OSTF1: variants seen among roughly 807,000 people sequenced by gnomAD.
OSTF1 encodes osteoclast stimulating factor 1.
Under a neutral mutation model 37.2 loss-of-function variants are expected in OSTF1, and 27 were observed. The observed-to-expected ratio is 0.73, with a 90% confidence interval of 0.54 to 1.00. The LOEUF is 1.00. Ranked by LOEUF, OSTF1 falls within the 50% of genes least tolerant of loss-of-function variation. The pLI is 0.00. For synonymous variants in OSTF1, 82 were observed against 89.2 expected (o/e 0.92, Z 0.46); for missense variants, 232 against 253.8 (o/e 0.91, Z 0.58).
At chr9:75,119,114 C>T (rs1587457014) in intron 2 of OSTF1, among the ~76,000 whole-genome samples, 1 of 152,230 alleles carries the variant, frequency 6.6e-6, no homozygotes, top group African/African-American at 2.4e-5. Context: ...CAGGCCAGGG[C>T]CTGCCTTCAA....
At chr9:75,125,346 C>T (rs1448061417) in intron 2 of OSTF1, among the ~76,000 whole-genome samples, 1 of 152,146 alleles carries the variant, frequency 6.6e-6, no homozygotes, top group Non-Finnish European at 1.5e-5. Context: ...TACCTAATCA[C>T]TTTCTATATC....
chr9:75,111,530 CGTGCAG>C (rs1449401325), intron 1 of OSTF1, among the ~76,000 whole-genome samples: 2 of 152,120 alleles, frequency 1.3e-5, no homozygotes, highest in Non-Finnish European at 2.9e-5. Context: ...AGTGCTAATA[CGTGCAG>C]GTTCATGCAA....
intron 1 of OSTF1, among the ~76,000 whole-genome samples, chr9:75,104,368 C>A (rs578105350): frequency 2.0e-5 from 3 of 152,066 alleles, no homozygotes; most frequent in African/African-American, 7.2e-5. Context: ...AACAGCAAGA[C>A]CCTGTCTTTA....
At chr9:75,109,308 G>C (rs767721867) in intron 1 of OSTF1, among the ~76,000 whole-genome samples, 1 of 152,120 alleles carries the variant, frequency 6.6e-6, no homozygotes, top group Non-Finnish European at 1.5e-5. Context: ...CGCCATGCCC[G>C]GCCAGGTTTC....
intron 7 of OSTF1, among the ~76,000 whole-genome samples, chr9:75,136,911 A>T (rs573204740): frequency 6.6e-6 from 1 of 152,266 alleles, no homozygotes; most frequent in South Asian, 2.1e-4. Flanking sequence ...GGGTATGTGC[A>T]CACTGGGCAG....
At chr9:75,094,501 G>A (rs1270296959) in intron 1 of OSTF1, among the ~76,000 whole-genome samples, 1 of 151,880 alleles carries the variant, frequency 6.6e-6, no homozygotes, top group Non-Finnish European at 1.5e-5. Context: ...CCTCCCTTCT[G>A]GAAATACTGG....
chr9:75,105,945 A>C (rs1312027064), intron 1 of OSTF1, among the ~76,000 whole-genome samples: 2 of 152,268 alleles, frequency 1.3e-5, no homozygotes, highest in African/African-American at 4.8e-5. Context: ...TAAGCAAAGA[A>C]AAAATGGATT....
chr9:75,140,798 C>T, intron 8 of OSTF1, 36 bp from the exon 9 acceptor site: 1 of 1,496,406 alleles, frequency 6.7e-7, no homozygotes, highest in Non-Finnish European at 9.3e-7. Context: ...ATATAGTCTT[C>T]AAAGACACCT....
chr9:75,140,879 A>G lies in OSTF1; in HGVS notation c.533A>G (p.Asp178Gly). Residue 178 changes from aspartate (D) to glycine (G), a missense_variant, in exon 9 of 10, where the codon GAC (aspartate) becomes GGC (glycine). Asp to Gly is a moderately conservative substitution (Grantham distance 94). Coordinates refer to ENST00000346234, the MANE Select transcript of OSTF1 (RefSeq NM_012383.5). ...AACATTGAGAAGAAGCTGGCCTTCG[A>G]CATGGCTACCAATGCTGCCTGTGCA... ...LRNIEKKLAF[D>G]MATNAACASL... is the part of the protein sequence containing the mutation. 6.2e-7 allele frequency: 1 copy of G among 1,613,958 alleles called. No homozygotes were observed. The highest frequency in any genetic ancestry group is 8.5e-7 in the Non-Finnish European group (1 of 1,179,856).
At chr9:75,116,585 A>G (rs925921091) in intron 1 of OSTF1, among the ~76,000 whole-genome samples, 2 of 147,922 alleles carry the variant, frequency 1.4e-5, no homozygotes, top group African/African-American at 5.0e-5. Flanking sequence ...TAATGGAATC[A>G]TAGGTTTCTC....
At chr9:75,099,666 G>A (rs779736551) in intron 1 of OSTF1, among the ~76,000 whole-genome samples, 7 of 152,080 alleles carry the variant, frequency 4.6e-5, no homozygotes, top group Non-Finnish European at 7.4e-5. Context: ...CGCCTCTACT[G>A]AAAATACAAC....
chr9:75,143,580 CTT>C (rs1825977746), intron 9 of OSTF1, among the ~76,000 whole-genome samples: 1 of 152,156 alleles, frequency 6.6e-6, no homozygotes, highest in Admixed American at 6.5e-5. Flanking sequence ...TGACTGACCT[CTT>C]TCATTTACAT....
chr9:75,091,243 G>A (rs1824969844), intron 1 of OSTF1, among the ~76,000 whole-genome samples: 1 of 151,782 alleles, frequency 6.6e-6, no homozygotes, highest in African/African-American at 2.4e-5. Context: ...CCGCCACCAT[G>A]CCCGGCTAAT....
At chr9:75,133,718 GA>G (rs1361092854) in intron 6 of OSTF1, among the ~76,000 whole-genome samples, 1 of 152,194 alleles carries the variant, frequency 6.6e-6, no homozygotes, top group East Asian at 1.9e-4. Context: ...GGAAAGATCA[GA>G]ATTTGCTCCT....
At chr9:75,118,328 A>G (rs1257718455) in intron 2 of OSTF1, among the ~76,000 whole-genome samples, 1 of 152,212 alleles carries the variant, frequency 6.6e-6, no homozygotes, top group Non-Finnish European at 1.5e-5. Context: ...ATGCTAGAAT[A>G]GAAAAAGCAG....
At chr9:75,141,502 C>A (rs1404585399) in intron 9 of OSTF1, among the ~76,000 whole-genome samples, 1 of 151,914 alleles carries the variant, frequency 6.6e-6, no homozygotes, top group African/African-American at 2.4e-5. Flanking sequence ...TTCTAATCAC[C>A]CTGCTTTCCA....
At chr9:75,141,373 C>CAAG (rs1825942055) in intron 9 of OSTF1, among the ~76,000 whole-genome samples, 1 of 133,318 alleles carries the variant, frequency 7.5e-6, no homozygotes, top group South Asian at 2.6e-4. Flanking sequence ...AAGTTTGTTT[C>CAAG]AATATCCTTG....
chr9:75,138,286 C>T (rs1268839059), intron 8 of OSTF1, among the ~76,000 whole-genome samples: 1 of 152,158 alleles, frequency 6.6e-6, no homozygotes, highest in Non-Finnish European at 1.5e-5. Flanking sequence ...CATTAGGGAT[C>T]CTCAGAGCAA....
chr9:75,101,024 G>C (rs940863776), intron 1 of OSTF1, among the ~76,000 whole-genome samples: 1 of 152,140 alleles, frequency 6.6e-6, no homozygotes, highest in African/African-American at 2.4e-5. Flanking sequence ...AGCTGGCTTG[G>C]AAAATACCTT....
Sources: gnomAD v4.1 joint callset for allele counts (sites outside exome capture counted in the v4.1 genomes callset) on GRCh38, gnomAD v4.1.1 for gene constraint, MANE v1.5 for transcripts, NCBI Gene and HGNC (gene_info 2026-07-23, HGNC 2026-07-21) for gene names.